The following PLCE1 variants were observed in gnomAD, a reference collection of about 807,000 sequenced individuals.
The protein encoded by PLCE1 is phospholipase C epsilon 1.
Under a neutral mutation model 242.8 loss-of-function variants are expected in PLCE1, and 119 were observed. The ratio of observed to expected loss-of-function variants is 0.49; its 90% confidence interval spans 0.42 to 0.57. PLCE1 has a LOEUF of 0.57. Ranked by LOEUF, PLCE1 falls within the 20% of genes least tolerant of loss-of-function variation. The probability of loss-of-function intolerance (pLI) is 0.00; values close to 1 mark genes in which losing one functional copy is unlikely to be tolerated. For missense variants in PLCE1, 2,441 were observed against 2,788.8 expected, an observed-to-expected ratio of 0.88 and a Z score of 2.81; for synonymous variants, 945 against 1,017.4, an observed-to-expected ratio of 0.93 and a Z score of 1.35.
chr10:94,126,232 G>A (rs1564711737), intron 2 of PLCE1, among the ~76,000 whole-genome samples: 1 of 152,066 alleles, frequency 6.6e-6, no homozygotes, highest in South Asian at 2.1e-4. Context: ...TACCATAATG[G>A]GAGGAGTGTA....
intron 8 of PLCE1, among the ~76,000 whole-genome samples, chr10:94,251,989 AAAGT>A (rs1391357476): frequency 1.5e-4 from 23 of 152,222 alleles, no homozygotes; most frequent in Non-Finnish European, 3.2e-4. Flanking sequence ...CCTAATTTGC[AAAGT>A]AAGTCTAAAT....
At chr10:94,280,280 G>A (rs1250293678) in intron 20 of PLCE1, 6 of 327,814 alleles carry the variant, frequency 1.8e-5, no homozygotes, top group African/African-American at 6.5e-5. Flanking sequence ...CCACCGGCAG[G>A]GGGCAGCATC....
intron 24 of PLCE1, among the ~76,000 whole-genome samples, chr10:94,302,647 G>A (rs1313382992): frequency 2.6e-5 from 4 of 152,124 alleles, no homozygotes; most frequent in Admixed American, 1.3e-4. Context: ...AATGGGTGAG[G>A]CCATCTGGGC....
chr10:94,259,270 G>A lies in PLCE1; in HGVS notation c.3814+120G>A. The A allele has an allele frequency of 3.9e-6, 4 of 1,024,610 alleles. No individual in the cohort carries two copies. The Admixed American group carries it at 5.2e-5, about 13-fold the overall frequency. 63.5% of individuals were successfully genotyped at this position (1,024,610 alleles called of 1,614,324 possible). On this transcript the variant is annotated intron_variant, in intron 13 of 32. Transcript: ENST00000371380. Reference sequence around the variant, plus strand: ...TAGTGTGCTATTACTGCTGTGTAGGGAAAGACTTAAGAGAATTTTTTTTTT... The same window carrying A: ...TAGTGTGCTATTACTGCTGTGTAGGAAAAGACTTAAGAGAATTTTTTTTTT...
At chr10:94,011,857 C>G (rs1417339736) in intron 1 of PLCE1, among the ~76,000 whole-genome samples, 1 of 152,112 alleles carries the variant, frequency 6.6e-6, no homozygotes, top group Non-Finnish European at 1.5e-5. Context: ...TTCTTTCCCT[C>G]TCTCCCTCTG....
intron 2 of PLCE1, among the ~76,000 whole-genome samples, chr10:94,127,430 C>T (rs2046467104): frequency 6.6e-6 from 1 of 152,116 alleles, no homozygotes; most frequent in Non-Finnish European, 1.5e-5. Context: ...TTTCATCCTC[C>T]CGCAATCTAG....
At chr10:94,006,829 G>A (rs575105464) in intron 1 of PLCE1, among the ~76,000 whole-genome samples, 8 of 152,170 alleles carry the variant, frequency 5.3e-5, no homozygotes, top group Admixed American at 2.0e-4. Context: ...AAATGACTGT[G>A]GCAGGCTGGA....
intron 4 of PLCE1, among the ~76,000 whole-genome samples, chr10:94,213,107 C>T (rs773843022): frequency 3.3e-5 from 5 of 152,180 alleles, no homozygotes; most frequent in South Asian, 2.1e-4. Flanking sequence ...TCCACCAGTG[C>T]GGTTACCACT....
intron 20 of PLCE1, 67 bp downstream of exon 20, chr10:94,279,978 C>T: frequency 6.5e-7 from 1 of 1,542,950 alleles, no homozygotes; most frequent in Non-Finnish European, 9.0e-7. Flanking sequence ...ATTTTTCTTT[C>T]TAAAATAAGT....
intron 3 of PLCE1, among the ~76,000 whole-genome samples, chr10:94,155,070 T>C (rs975256930): frequency 3.3e-5 from 5 of 151,902 alleles, no homozygotes; most frequent in African/African-American, 7.2e-5. Flanking sequence ...TAGGAAACAA[T>C]TGGAATGTCC....
At chr10:94,179,512 G>GTTT (rs1554877545) in intron 4 of PLCE1, among the ~76,000 whole-genome samples, 687 of 19,360 alleles carry the variant, frequency 0.035, 60 homozygotes, top group African/African-American at 0.11. Flanking sequence ...TTTTAGTTTA[G>GTTT]TTTTTTTTTT....
chr10:94,302,088 A>C, intron 24 of PLCE1, among the ~76,000 whole-genome samples: 1 of 152,162 alleles, frequency 6.6e-6, no homozygotes, highest in East Asian at 1.9e-4. Flanking sequence ...TGGAATGATG[A>C]TTTTTAAACT....
intron 2 of PLCE1, among the ~76,000 whole-genome samples, chr10:94,130,966 T>C (rs980722218): frequency 1.3e-5 from 2 of 152,190 alleles, no homozygotes; most frequent in African/African-American, 4.8e-5. Context: ...TCCACCCTAC[T>C]CTAAGCTCTT....
chr10:94,245,503 C>CA (rs1295451969), intron 7 of PLCE1, among the ~76,000 whole-genome samples: 4 of 137,990 alleles, frequency 2.9e-5, no homozygotes, highest in South Asian at 2.5e-4. Context: ...AAAAGTTACT[C>CA]AAAATTTTTT....
rs759958187 is a variant in PLCE1, at chr10:94,031,390, A to G, written c.344A>G (p.His115Arg). 1.2e-6 allele frequency: 2 copies of G among 1,613,918 alleles called. No individual in the cohort carries two copies. Among genetic ancestry groups the G allele is most frequent in the South Asian group, 2.2e-5 (2 of 91,078 alleles). Residue 115 changes from histidine to arginine, a missense_variant, in exon 2 of 33, where the codon CAT becomes CGT. His to Arg is a conservative substitution (Grantham distance 29). Coordinates refer to ENST00000371380, the MANE Select transcript of PLCE1 (RefSeq NM_016341.4). Reference protein sequence around the residue: ...NCNNILRNHQHGLPQRQFYEM... With the variant: ...NCNNILRNHQRGLPQRQFYEM... ...AACAACATATTGAGAAACCATCAGC[A>G]TGGCCTTCCTCAGAGACAATTTTAT...
rs557371591 is a variant in PLCE1, at chr10:94,292,414, G to A, written c.5036-1094G>A. 2.0e-5 allele frequency among the ~76,000 whole-genome samples: 3 copies of A among 152,306 alleles called. No individual in the cohort carries two copies. The East Asian group carries it at 5.8e-4, about 29-fold the overall frequency. Reference sequence around the variant, plus strand: ...TCAGACTGGGGATCCTCAACCAGGTGAGTATGATACAAATATTCCAAAATC... The same window carrying A: ...TCAGACTGGGGATCCTCAACCAGGTAAGTATGATACAAATATTCCAAAATC... On this transcript the variant is annotated intron_variant, in intron 22 of 32. Coordinates refer to ENST00000371380, the MANE Select transcript of PLCE1 (RefSeq NM_016341.4).
intron 4 of PLCE1, among the ~76,000 whole-genome samples, chr10:94,213,028 G>C (rs1302417743): frequency 2.0e-5 from 3 of 152,132 alleles, no homozygotes; most frequent in African/African-American, 7.2e-5. Context: ...CAGGCTGCTG[G>C]GCCCTTGTTT....
intron 4 of PLCE1, among the ~76,000 whole-genome samples, chr10:94,223,854 G>A (rs1475439450): frequency 1.3e-5 from 2 of 152,110 alleles, no homozygotes; most frequent in African/African-American, 4.8e-5. Context: ...GTTTTTCTGT[G>A]TGATTGCACA....
At chr10:94,268,024 TTTCTTGGC>T (rs1237728264) in intron 16 of PLCE1, among the ~76,000 whole-genome samples, 2 of 152,172 alleles carry the variant, frequency 1.3e-5, no homozygotes, top group East Asian at 3.8e-4. Context: ...GATGTATCAA[TTTCTTGGC>T]TTGGGTCACT....
Sources: gnomAD v4.1 joint callset for allele counts (sites outside exome capture counted in the v4.1 genomes callset) on GRCh38, gnomAD v4.1.1 for gene constraint, MANE v1.5 for transcripts, NCBI Gene and HGNC (gene_info 2026-07-23, HGNC 2026-07-21) for gene names.